PRRC2B: variants seen among roughly 807,000 people sequenced by gnomAD.
The protein encoded by PRRC2B is protein PRRC2B.
PRRC2B carries 68 observed loss-of-function variants against 242.3 expected under a neutral mutation model. The ratio of observed to expected loss-of-function variants is 0.28; its 90% CI spans 0.23 to 0.34. The LOEUF (loss-of-function observed/expected upper bound fraction) is 0.34. Ranked by LOEUF, PRRC2B falls within the 10% of genes least tolerant of loss-of-function variation. The pLI is 1.00. For missense variants in PRRC2B, 2,835 were observed against 2,954.8 expected, an observed-to-expected ratio of 0.96 and a Z score of 0.94; for synonymous variants, 1,228 against 1,173.6, an observed-to-expected ratio of 1.05 and a Z score of -0.95.
chr9:131,436,749 G>C, intron 4 of PRRC2B, 27 bp downstream of exon 4: 1 of 1,567,452 alleles, frequency 6.4e-7, no homozygotes, highest in Non-Finnish European at 8.8e-7. Flanking sequence ...CATCCCAACT[G>C]TTTCCTGGGC....
chr9:131,484,448 C>T (rs1166274220), intron 23 of PRRC2B, among the ~76,000 whole-genome samples: 2 of 152,202 alleles, frequency 1.3e-5, no homozygotes, highest in Non-Finnish European at 2.9e-5. Flanking sequence ...ATGGTCCTGG[C>T]TGCCATCAGT....
intron 2 of PRRC2B, among the ~76,000 whole-genome samples, chr9:131,432,109 T>C (rs1357670988): frequency 2.0e-5 from 3 of 152,192 alleles, no homozygotes. Context: ...TCAGCCTTTT[T>C]AGCTTTCATG....
chr9:131,410,119 C>T (rs1837468239), intron 1 of PRRC2B, among the ~76,000 whole-genome samples: 1 of 152,158 alleles, frequency 6.6e-6, no homozygotes, highest in African/African-American at 2.4e-5. Flanking sequence ...TCTTCTTCCC[C>T]ACCCCCCTTG....
At chr9:131,416,621 C>CTTTTTT (rs11374835) in intron 1 of PRRC2B, among the ~76,000 whole-genome samples, 1 of 149,638 alleles carries the variant, frequency 6.7e-6, no homozygotes. Context: ...TACCCAGTGT[C>CTTTTTT]TTTTTTTTTT....
intron 1 of PRRC2B, among the ~76,000 whole-genome samples, chr9:131,397,721 A>G (rs12555544): frequency 0.13 from 19,465 of 151,944 alleles, 1,333 homozygotes; most frequent in African/African-American, 0.15. Context: ...AGGTGGGTCA[A>G]TTCATGTATT....
At chr9:131,453,180 A>G (rs979767146) in intron 9 of PRRC2B, among the ~76,000 whole-genome samples, 1 of 152,012 alleles carries the variant, frequency 6.6e-6, no homozygotes, top group African/African-American at 2.4e-5. Context: ...CTAGTAGTCT[A>G]TTATCTTGCA....
intron 28 of PRRC2B, 30 bp from the exon 29 acceptor site, chr9:131,491,395 C>G: frequency 6.4e-7 from 1 of 1,559,572 alleles, no homozygotes; most frequent in Non-Finnish European, 8.7e-7. Context: ...AGCATCATTC[C>G]CCCTCCTGAC....
In PRRC2B at chr9:131,430,234, A is replaced by C. The variant is rs758373810; in HGVS notation, c.90A>C (p.Lys30Asn). Reference protein sequence around the residue: ...TLSLFDKYKGKSVDAIRSSVI... With the variant: ...TLSLFDKYKGNSVDAIRSSVI... ...GCCTGTTTGATAAGTATAAAGGAAA[A>C]TCAGTAGACGCGATTAGATCCTCAG... The change falls in exon 2 of 32, where the codon AAA becomes AAC. Residue 30 changes from lysine to asparagine, a missense_variant. Lys to Asn is a moderately conservative substitution (Grantham distance 94). This residue lies in a region of PRRC2B where 626 missense variants were observed against 685.5 expected (regional missense o/e 0.91). Coordinates refer to ENST00000683519, the MANE Select transcript of PRRC2B (RefSeq NM_013318.4). The C allele has an allele frequency of 6.2e-7, 1 of 1,601,280 alleles. No homozygotes were observed. Among genetic ancestry groups the C allele is most frequent in the South Asian group, 1.1e-5 (1 of 88,520 alleles).
At chr9:131,425,126 C>T (rs1049551325) in intron 1 of PRRC2B, among the ~76,000 whole-genome samples, 3 of 152,118 alleles carry the variant, frequency 2.0e-5, no homozygotes, top group African/African-American at 7.2e-5. Flanking sequence ...GCTGAGATTA[C>T]AGGCGTGCAC....
intron 4 of PRRC2B, 131 bp downstream of exon 4, chr9:131,436,853 C>A: frequency 1.5e-6 from 1 of 682,180 alleles, no homozygotes; most frequent in Non-Finnish European, 2.5e-6. Flanking sequence ...CAGAGGCACA[C>A]CCGATGAGTG....
chr9:131,438,233 C>T (rs919865961), intron 4 of PRRC2B, among the ~76,000 whole-genome samples: 42 of 152,072 alleles, frequency 2.8e-4, no homozygotes, highest in Admixed American at 1.7e-3. Flanking sequence ...GTGGAAAAGA[C>T]GGGTGAGCTT....
chr9:131,478,998 G>A (rs891732136), intron 18 of PRRC2B, among the ~76,000 whole-genome samples: 1 of 152,100 alleles, frequency 6.6e-6, no homozygotes, highest in Non-Finnish European at 1.5e-5. Flanking sequence ...CAAGTGGATC[G>A]TGAACGCTAT....
chr9:131,374,737 G>A (rs762583417), intron 1 of PRRC2B, among the ~76,000 whole-genome samples: 1 of 152,108 alleles, frequency 6.6e-6, no homozygotes, highest in East Asian at 1.9e-4. Flanking sequence ...ATGTTGGCCA[G>A]TCTGGTCTCG....
At chr9:131,467,423 A>G (rs564813705) in intron 12 of PRRC2B, 140 bp from the exon 13 acceptor site, 5 of 725,712 alleles carry the variant, frequency 6.9e-6, no homozygotes, top group African/African-American at 3.5e-5. Context: ...TGCGTTTGGC[A>G]CAGGGCCAGG....
chr9:131,499,596 C>T lies in PRRC2B; in HGVS notation c.*3722C>T, dbSNP rs1944415496. On this transcript the variant is annotated 3_prime_UTR_variant, in exon 32 of 32. Coordinates refer to ENST00000683519, the MANE Select transcript of PRRC2B (RefSeq NM_013318.4). The stretch of plus-strand genomic sequence containing the variant: ...AGTGTTGGGGATGGACGCTGTCGCC[C>T]AGCCATGCTCCACCAGGGCCACCAA... The T allele has an allele frequency of 6.6e-6, 1 of 152,256 alleles. No individual in the cohort carries two copies. The highest frequency in any genetic ancestry group is 1.5e-5 in the Non-Finnish European group (1 of 68,058). 9.4% of individuals were successfully genotyped at this position (152,256 alleles called of 1,614,324 possible).
upstream of PRRC2B, among the ~76,000 whole-genome samples, chr9:131,390,760 G>A (rs183082089): frequency 8.8e-3 from 1,286 of 146,024 alleles, 16 homozygotes; most frequent in Non-Finnish European, 0.012. Context: ...GGGATTACAG[G>A]CGTGAGCCAC....
chr9:131,406,132 C>T (rs1837355581), intron 1 of PRRC2B, among the ~76,000 whole-genome samples: 1 of 152,128 alleles, frequency 6.6e-6, no homozygotes, highest in South Asian at 2.1e-4. Context: ...CTTTTGTACA[C>T]TTGGGGCTTG....
At chr9:131,402,732 A>T (rs1390003725) in intron 1 of PRRC2B, among the ~76,000 whole-genome samples, 1 of 152,174 alleles carries the variant, frequency 6.6e-6, no homozygotes, top group Non-Finnish European at 1.5e-5. Flanking sequence ...CGAAATAAGC[A>T]CCTATTGAAA....
intron 1 of PRRC2B, among the ~76,000 whole-genome samples, chr9:131,421,314 G>A (rs1454640213): frequency 1.3e-5 from 2 of 152,194 alleles, no homozygotes; most frequent in Admixed American, 6.5e-5. Flanking sequence ...CCTTACTTAC[G>A]TTAAAGGTTT....
Sources: gnomAD v4.1 joint callset for allele counts (sites outside exome capture counted in the v4.1 genomes callset) on GRCh38, gnomAD v4.1.1 for gene constraint, gnomAD v4.1.1 regional missense constraint, MANE v1.5 for transcripts, NCBI Gene and HGNC (gene_info 2026-07-23, HGNC 2026-07-21) for gene names.